KLHL8: variants seen among roughly 807,000 people sequenced by gnomAD.
The protein encoded by KLHL8 is kelch like family member 8.
KLHL8 carries 38 observed loss-of-function variants against 63.5 expected under a neutral mutation model. The ratio of observed to expected loss-of-function variants is 0.60; its 90% CI spans 0.46 to 0.78. The LOEUF (loss-of-function observed/expected upper bound fraction) is 0.78. Among genes scored for constraint, KLHL8 ranks in the 30% least tolerant of loss-of-function variants. KLHL8 has a pLI of 0.00. For missense variants in KLHL8, 566 were observed against 752.4 expected (o/e 0.75, Z 2.90); for synonymous variants, 224 against 254.3 (o/e 0.88, Z 1.13).
chr4:87,164,916 A>G (rs565610584), intron 8 of KLHL8, among the ~76,000 whole-genome samples: 2 of 152,182 alleles, frequency 1.3e-5, no homozygotes, highest in African/African-American at 4.8e-5. Context: ...TGGGAGGCCA[A>G]GGGGGGCCGA....
intron 1 of KLHL8, chr4:87,207,730 G>A: frequency 1.1e-6 from 1 of 875,848 alleles, no homozygotes; most frequent in Non-Finnish European, 1.9e-6. Flanking sequence ...TGCTGCCAAG[G>A]CTGTGGGAAA....
At chr4:87,176,989 T>C (rs1730847411) in intron 5 of KLHL8, 121 bp from the exon 6 acceptor site, 8 of 554,724 alleles carry the variant, frequency 1.4e-5, no homozygotes, top group Non-Finnish European at 2.2e-5. Context: ...ATAATTGCTG[T>C]TCTGTTCAAC....
At chr4:87,231,503 G>C (rs1733136988) in intron 1 of KLHL8, among the ~76,000 whole-genome samples, 1 of 151,894 alleles carries the variant, frequency 6.6e-6, no homozygotes, top group Admixed American at 6.6e-5. Context: ...GAACAGTAAT[G>C]TTCACCCCAC....
chr4:87,224,145 T>C (rs1369697452), upstream of KLHL8, among the ~76,000 whole-genome samples: 1 of 152,120 alleles, frequency 6.6e-6, no homozygotes, highest in Non-Finnish European at 1.5e-5. Context: ...TACTGCAACC[T>C]CCGTCTCCCA....
Position 87,170,577 on chromosome 4 carries a change from T to G in KLHL8, c.1247A>C (p.Tyr416Ser), listed in dbSNP as rs1181693479. ...ATTGTCATCTAACCCTCCAATTGCA[T>G]AAATTGGGCCTCCTAAGGAAGCCAA... ...IALASLGGPI[Y>S]AIGGLDDNTC... The change falls in exon 7 of 10, where the codon TAT becomes TCT. Residue 416 changes from tyrosine (Y) to serine (S), a missense_variant. Coordinates refer to ENST00000273963, the MANE Select transcript of KLHL8 (RefSeq NM_020803.5). 6.2e-7 allele frequency: 1 copy of G among 1,613,618 alleles called. No individual in the cohort carries two copies. The highest frequency in any genetic ancestry group is 1.1e-5 in the South Asian group (1 of 90,968).
At chr4:87,181,163 C>T (rs1158194867) in intron 4 of KLHL8, among the ~76,000 whole-genome samples, 2 of 151,580 alleles carry the variant, frequency 1.3e-5, no homozygotes, top group African/African-American at 4.8e-5. Flanking sequence ...CGCAGTGGCT[C>T]ATACCTGTAA....
chr4:87,209,531 A>G (rs1560714011), intron 1 of KLHL8, among the ~76,000 whole-genome samples: 1 of 152,230 alleles, frequency 6.6e-6, no homozygotes, highest in Non-Finnish European at 1.5e-5. Context: ...AAACTAATAT[A>G]TTTTTATAAG....
At position 87,195,665 on chromosome 4, in the gene KLHL8, A is replaced by C; in HGVS notation, c.-126T>G. ...TTCAGACGTTTTTCAAAACCCACTC[A>C]ACTGCCATTGTACAGTTTGCTGTGA... On this transcript the variant is annotated 5_prime_UTR_variant, in exon 2 of 10. Transcript: ENST00000273963. 1.4e-6 allele frequency: 1 copy of C among 717,792 alleles called. No homozygotes were observed. The allele number at this position is 717,792 out of a possible 1,614,324, so 44.5% of individuals were successfully genotyped here.
intron 1 of KLHL8, among the ~76,000 whole-genome samples, chr4:87,213,129 C>G (rs568134486): frequency 6.6e-5 from 10 of 152,280 alleles, no homozygotes; most frequent in Non-Finnish European, 1.3e-4. Flanking sequence ...TGACACCTTA[C>G]AGTAATCATT....
At chr4:87,215,026 T>G (rs796104462) in intron 1 of KLHL8, among the ~76,000 whole-genome samples, 8 of 152,280 alleles carry the variant, frequency 5.3e-5, no homozygotes, top group African/African-American at 1.9e-4. Flanking sequence ...CTGGAACTCT[T>G]GGCCTCAAGT....
At chr4:87,191,267 A>G (rs1407941999) in intron 2 of KLHL8, among the ~76,000 whole-genome samples, 1 of 152,178 alleles carries the variant, frequency 6.6e-6, no homozygotes, top group Non-Finnish European at 1.5e-5. Flanking sequence ...CCAGGAGTTC[A>G]AGACCAGCCT....
intron 1 of KLHL8, among the ~76,000 whole-genome samples, chr4:87,203,373 TA>T (rs1156816562): frequency 6.6e-6 from 1 of 151,748 alleles, no homozygotes; most frequent in Non-Finnish European, 1.5e-5. Flanking sequence ...CCGTCTCTAC[TA>T]AAAAAATACA....
chr4:87,223,013 G>A (rs183711068), upstream of KLHL8, among the ~76,000 whole-genome samples: 4 of 152,278 alleles, frequency 2.6e-5, no homozygotes, highest in East Asian at 7.7e-4. Context: ...AGTGCAGTGA[G>A]TAGCACAATC....
Position 87,185,719 on chromosome 4 carries a change from T to A in KLHL8, c.297A>T (p.Glu99Asp), listed in dbSNP as rs757278044. The A allele has an allele frequency of 6.2e-7, 1 of 1,614,032 alleles. No individual in the cohort carries two copies. Among genetic ancestry groups the A allele is most frequent in the Non-Finnish European group, 8.5e-7 (1 of 1,179,946 alleles). Residue 99 changes from glutamate to aspartate, a missense_variant, in exon 3 of 10, where the codon GAA (glutamate) becomes GAT (aspartate). By Grantham distance (45) the Glu-to-Asp change is conservative (BLOSUM62 2). Coordinates refer to ENST00000273963, the MANE Select transcript of KLHL8 (RefSeq NM_020803.5). Reference protein sequence around the residue: ...IPYFRAMFLSEMAEAKQTLIE... With the variant: ...IPYFRAMFLSDMAEAKQTLIE... ...TCAGCGTTTGCTTGGCTTCAGCCAT[T>A]TCAGAAAGAAACATGGCTCTAAAGT...
rs149875701 is a variant in KLHL8, at chr4:87,232,465, A to G, written n.57+7793T>C. On this transcript the variant is annotated intron_variant and non_coding_transcript_variant, in intron 1 of 1. Coordinates refer to the KLHL8 transcript ENST00000506274. ...CTTGGATTACTTCCAAGTTTTTTCA[A>G]TTACAGACAATGCTGCTATGGACAC... 7.4e-3 allele frequency among the ~76,000 whole-genome samples: 1,130 copies of G among 152,308 alleles called. 14 individuals are homozygous for G. The highest frequency in any genetic ancestry group is 0.026 in the African/African-American group (1,079 of 41,552).
chr4:87,209,274 A>G (rs1281287245), intron 1 of KLHL8, among the ~76,000 whole-genome samples: 1 of 152,194 alleles, frequency 6.6e-6, no homozygotes, highest in Non-Finnish European at 1.5e-5. Flanking sequence ...GATTAAAAGC[A>G]CAAAACAACA....
At chr4:87,194,359 A>G (rs911942416) in intron 2 of KLHL8, among the ~76,000 whole-genome samples, 12 of 152,172 alleles carry the variant, frequency 7.9e-5, no homozygotes, top group Non-Finnish European at 7.4e-5. Context: ...TAGACTTCCC[A>G]ACCTTCAGAA....
At chr4:87,174,460 G>A (rs1451785221) in intron 6 of KLHL8, among the ~76,000 whole-genome samples, 1 of 152,042 alleles carries the variant, frequency 6.6e-6, no homozygotes, top group Non-Finnish European at 1.5e-5. Flanking sequence ...TGTATTTTTA[G>A]TAGAGACGGT....
At chr4:87,213,309 G>GT (rs1732477866) in intron 1 of KLHL8, among the ~76,000 whole-genome samples, 1 of 152,210 alleles carries the variant, frequency 6.6e-6, no homozygotes, top group Non-Finnish European at 1.5e-5. Flanking sequence ...TGTCAGAGAA[G>GT]TGACAGGGTT....
Sources: gnomAD v4.1 joint callset for allele counts (sites outside exome capture counted in the v4.1 genomes callset) on GRCh38, gnomAD v4.1.1 for gene constraint, MANE v1.5 for transcripts, NCBI Gene and HGNC (gene_info 2026-07-23, HGNC 2026-07-21) for gene names.